The following LRRC28 variants were observed in gnomAD, a reference collection of about 807,000 sequenced individuals.
LRRC28 encodes the protein leucine-rich repeat-containing protein 28.
Under a neutral mutation model 45.7 loss-of-function variants are expected in LRRC28, and 39 were observed. That is an observed-to-expected ratio of 0.85 (90% CI 0.66 to 1.12). The LOEUF (loss-of-function observed/expected upper bound fraction) is 1.12. Among genes scored for constraint, LRRC28 ranks in the 50% most tolerant of loss-of-function variants. The pLI is 0.00. For missense variants in LRRC28, 435 were observed against 438.5 expected (o/e 0.99, Z 0.07); for synonymous variants, 206 against 178.8 (o/e 1.15, Z -1.22).
intron 2 of LRRC28, among the ~76,000 whole-genome samples, chr15:99,275,222 G>T (rs2081586234): frequency 6.6e-6 from 1 of 152,350 alleles, no homozygotes; most frequent in African/African-American, 2.4e-5. Flanking sequence ...CCAGCAGAGA[G>T]AAGCCTGCTT....
At chr15:99,384,525 C>G (rs978445970) in intron 9 of LRRC28, 1 of 152,226 alleles carries the variant, frequency 6.6e-6, no homozygotes, top group African/African-American at 2.4e-5. Flanking sequence ...TAAAAACTTT[C>G]TGATTCTCTG....
chr15:99,322,694 A>C (rs974513136), intron 5 of LRRC28, among the ~76,000 whole-genome samples: 17 of 152,194 alleles, frequency 1.1e-4, no homozygotes, highest in African/African-American at 4.1e-4. Flanking sequence ...TCCAGATACC[A>C]TTTTACAGCA....
chr15:99,357,893 G>C (rs541455550), intron 7 of LRRC28, among the ~76,000 whole-genome samples: 2 of 151,986 alleles, frequency 1.3e-5, no homozygotes, highest in Admixed American at 1.3e-4. Flanking sequence ...TTCAAACTAT[G>C]GCCATTAAAA....
At chr15:99,319,277 G>T (rs1161351656) in intron 5 of LRRC28, among the ~76,000 whole-genome samples, 1 of 152,066 alleles carries the variant, frequency 6.6e-6, no homozygotes, top group Non-Finnish European at 1.5e-5. Context: ...CCTAGAAGAA[G>T]TCTATAAAAT....
In LRRC28 at chr15:99,333,926, T is replaced by C. The variant is rs141689801; in HGVS notation, c.389T>C (p.Val130Ala). Reference sequence around the variant, plus strand: ...CTAATTTTGATTTTGGTTGTAGAGGTTGGCGATTTGAAGGAGCTGCAGACA... The same window carrying C: ...CTAATTTTGATTTTGGTTGTAGAGGCTGGCGATTTGAAGGAGCTGCAGACA... ...NNQLQFLPPEVGDLKELQTLD... is the reference protein window; with the variant it reads ...NNQLQFLPPEAGDLKELQTLD... Residue 130 changes from valine to alanine, a missense_variant, in exon 6 of 10, where the codon GTT (valine) becomes GCT (alanine). By Grantham distance (64) the Val-to-Ala change is moderately conservative. Coordinates refer to ENST00000301981, the MANE Select transcript of LRRC28 (RefSeq NM_144598.5). 3 of 1,614,014 alleles carry C rather than the reference T, an allele frequency of 1.9e-6. No individual in the cohort carries two copies. Among genetic ancestry groups the C allele is most frequent in the South Asian group, 2.2e-5 (2 of 91,088 alleles).
chr15:99,341,383 C>T lies in LRRC28; in HGVS notation c.592+7254C>T, dbSNP rs536332433. 7.2e-4 allele frequency among the ~76,000 whole-genome samples: 110 copies of T among 152,196 alleles called. 1 individual carries two copies. The highest frequency in any genetic ancestry group is 2.5e-3 in the African/African-American group (104 of 41,514). ...CTGGGATTACAGGCGTGAGCCACCG[C>T]GCCCGGCCTGTTCTGCTGTCTTCTG... is the stretch of plus-strand genomic sequence containing the variant. On this transcript the variant is annotated intron_variant, in intron 6 of 9. Transcript: ENST00000301981.
intron 5 of LRRC28, among the ~76,000 whole-genome samples, chr15:99,318,420 A>C (rs1486483479): frequency 6.6e-6 from 1 of 152,112 alleles, no homozygotes; most frequent in African/African-American, 2.4e-5. Context: ...GGCACCATTA[A>C]ATAATTAATT....
At chr15:99,309,439 C>T (rs1056150851) in intron 5 of LRRC28, among the ~76,000 whole-genome samples, 2 of 152,052 alleles carry the variant, frequency 1.3e-5, no homozygotes, top group Admixed American at 6.5e-5. Context: ...GATGGAGTCT[C>T]GCTCTGTCGC....
rs567163870 is a variant in LRRC28, at chr15:99,378,442, G to A, written c.1032-7588G>A. On this transcript the variant is annotated intron_variant, in intron 9 of 9. Transcript: ENST00000301981. Reference sequence around the variant, plus strand: ...TATCAGCTTAAGGAGATTTTGGGCTGAGACGATGGGGTTTTCTAAATATAC... The same window carrying A: ...TATCAGCTTAAGGAGATTTTGGGCTAAGACGATGGGGTTTTCTAAATATAC... 2.9e-3 allele frequency among the ~76,000 whole-genome samples: 440 copies of A among 152,290 alleles called. 4 individuals are homozygous for A. Among genetic ancestry groups the A allele is most frequent in the African/African-American group, 0.01 (421 of 41,546 alleles).
At chr15:99,355,098 A>C (rs2152319330) in intron 7 of LRRC28, among the ~76,000 whole-genome samples, 1 of 152,396 alleles carries the variant, frequency 6.6e-6, no homozygotes, top group East Asian at 1.9e-4. Flanking sequence ...AGCAGTTTTA[A>C]GAAATCTCAG....
chr15:99,268,808 A>G (rs1411943478), intron 2 of LRRC28, among the ~76,000 whole-genome samples: 1 of 152,226 alleles, frequency 6.6e-6, no homozygotes, highest in African/African-American at 2.4e-5. Flanking sequence ...TGAAAATTGC[A>G]TTTATAAAAT....
intron 2 of LRRC28, among the ~76,000 whole-genome samples, chr15:99,263,592 G>C (rs1395789650): frequency 6.6e-6 from 1 of 152,196 alleles, no homozygotes; most frequent in Non-Finnish European, 1.5e-5. Context: ...TCCAGACTGA[G>C]AGCTTTCAAG....
intron 9 of LRRC28, among the ~76,000 whole-genome samples, chr15:99,378,436 T>G (rs1303253888): frequency 1.3e-5 from 2 of 152,322 alleles, no homozygotes; most frequent in East Asian, 3.9e-4. Context: ...AAGGAGATTT[T>G]GGGCTGAGAC....
intron 2 of LRRC28, among the ~76,000 whole-genome samples, chr15:99,275,649 G>A (rs1468611398): frequency 6.6e-6 from 1 of 152,148 alleles, no homozygotes; most frequent in Non-Finnish European, 1.5e-5. Flanking sequence ...GGTGTGATTT[G>A]GATTGGTTCC....
chr15:99,326,741 G>C (rs1207450298), intron 5 of LRRC28, among the ~76,000 whole-genome samples: 1 of 152,052 alleles, frequency 6.6e-6, no homozygotes, highest in Admixed American at 6.6e-5. Context: ...AAACATCTCA[G>C]ACCTACTTGT....
chr15:99,363,051 G>T (rs762022924), intron 8 of LRRC28, 55 bp from the exon 9 acceptor site: 3 of 1,558,764 alleles, frequency 1.9e-6, no homozygotes, highest in Non-Finnish European at 2.6e-6. Flanking sequence ...AAGAAGCGTA[G>T]TTTAAGGAAG....
chr15:99,374,834 A>C (rs576586057), intron 9 of LRRC28, among the ~76,000 whole-genome samples: 204 of 151,384 alleles, frequency 1.3e-3, no homozygotes, highest in Non-Finnish European at 2.0e-3. Context: ...CGCCTGGCTA[A>C]ATTTTTTTTT....
chr15:99,307,169 T>C (rs1312085828), intron 5 of LRRC28, among the ~76,000 whole-genome samples: 2 of 152,218 alleles, frequency 1.3e-5, no homozygotes, highest in African/African-American at 2.4e-5. Context: ...TACTAGACTT[T>C]TGGCAGATAG....
chr15:99,313,996 T>C (rs1955506056), intron 5 of LRRC28, among the ~76,000 whole-genome samples: 1 of 152,220 alleles, frequency 6.6e-6, no homozygotes, highest in African/African-American at 2.4e-5. Context: ...ATTTATTTTC[T>C]GCCTTTGGTT....
Sources: gnomAD v4.1 joint callset for allele counts (sites outside exome capture counted in the v4.1 genomes callset) on GRCh38, gnomAD v4.1.1 for gene constraint, MANE v1.5 for transcripts, NCBI Gene and HGNC (gene_info 2026-07-23, HGNC 2026-07-21) for gene names.